The following ZCCHC14 variants were observed in gnomAD, a reference collection of about 807,000 sequenced individuals.
ZCCHC14 encodes the protein zinc finger CCHC-type containing 14, also known as zinc finger CCHC domain-containing protein 14.
A neutral mutation model predicts 85.0 loss-of-function variants in ZCCHC14; 16 were observed. The observed-to-expected ratio is 0.19, with a 90% CI of 0.13 to 0.29. The LOEUF (loss-of-function observed/expected upper bound fraction) is 0.29. Ranked by LOEUF, ZCCHC14 falls within the 10% of genes least tolerant of loss-of-function variation. ZCCHC14 has a pLI of 1.00. For synonymous variants in ZCCHC14, 775 were observed against 630.7 expected (o/e 1.23, Z -3.43); for missense variants, 1,303 against 1,443.5 (o/e 0.90, Z 1.58).
chr16:87,417,078 C>T (rs972977488), intron 8 of ZCCHC14, among the ~76,000 whole-genome samples: 2 of 152,116 alleles, frequency 1.3e-5, no homozygotes, highest in Non-Finnish European at 2.9e-5. Flanking sequence ...TAAAATGCAC[C>T]CATTCCTCTA....
chr16:87,477,153 C>CAAAAAAAAAAAAAAAAAAAA (rs1412376609), intron 1 of ZCCHC14, among the ~76,000 whole-genome samples: 8 of 116,218 alleles, frequency 6.9e-5, no homozygotes, highest in African/African-American at 3.6e-4. Context: ...AAAACAAAAC[C>CAAAAAAAAAAAAAAAAAAAA]AAAAAAAAAT....
intron 1 of ZCCHC14, among the ~76,000 whole-genome samples, chr16:87,481,454 C>T (rs1271073222): frequency 6.7e-6 from 1 of 148,552 alleles, no homozygotes; most frequent in Non-Finnish European, 1.5e-5. Flanking sequence ...CATACTGCCT[C>T]AAATCTAAGC....
intron 1 of ZCCHC14, among the ~76,000 whole-genome samples, chr16:87,463,922 T>C (rs922503051): frequency 2.0e-5 from 3 of 152,144 alleles, no homozygotes; most frequent in Admixed American, 1.3e-4. Context: ...TGGGCTCAAG[T>C]GATCCTTCCA....
rs1391959818 is a variant in ZCCHC14 at position 87,420,213 on chromosome 16, T to C, written c.951-336A>G. ...GGCAGCAGCACATTTACGGAACTGG[T>C]CGGCCATGTTACTTCGTGTGCCACG... On this transcript the variant is annotated intron_variant, in intron 5 of 12. Coordinates refer to ENST00000671377, the MANE Select transcript of ZCCHC14 (RefSeq NM_015144.3). The surrounding 1 kb of genome is among the most constrained non-coding windows in gnomAD (Gnocchi z 5.0). 1.3e-5 allele frequency among the ~76,000 whole-genome samples: 2 copies of C among 152,196 alleles called. No individual in the cohort carries two copies. The highest frequency in any genetic ancestry group is 2.9e-5 in the Non-Finnish European group (2 of 68,042).
Position 87,411,684 on chromosome 16 carries a change from G to C in ZCCHC14, c.3037C>G (p.Gln1013Glu). 6.2e-7 allele frequency: 1 copy of C among 1,614,088 alleles called. No homozygotes were observed. Among genetic ancestry groups the C allele is most frequent in the Non-Finnish European group, 8.5e-7 (1 of 1,179,978 alleles). Reference protein sequence around the residue: ...GQSTFAVPPMQNFMAGTAGVY... With the variant: ...GQSTFAVPPMENFMAGTAGVY... Reference sequence around the variant, plus strand: ...CCTGCTGTCCCTGCCATGAAGTTCTGCATGGGTGGCACGGCAAACGTGGAC... The same window carrying C: ...CCTGCTGTCCCTGCCATGAAGTTCTCCATGGGTGGCACGGCAAACGTGGAC... The change falls in exon 12 of 13, where the codon CAG becomes GAG. Residue 1013 changes from glutamine to glutamate, a missense_variant. By Grantham distance (29) the Gln-to-Glu change is conservative. Coordinates refer to ENST00000671377, the MANE Select transcript of ZCCHC14 (RefSeq NM_015144.3).
At chr16:87,413,419 C>T (rs1177540046) in intron 10 of ZCCHC14, among the ~76,000 whole-genome samples, 1 of 152,210 alleles carries the variant, frequency 6.6e-6, no homozygotes, top group African/African-American at 2.4e-5. Context: ...CCTGCCGGCC[C>T]CCGCCATCAA....
chr16:87,457,269 C>T (rs1911020654), intron 2 of ZCCHC14, among the ~76,000 whole-genome samples: 1 of 152,196 alleles, frequency 6.6e-6, no homozygotes, highest in Admixed American at 6.5e-5. Context: ...TAGGCACTGC[C>T]CACACAACGG....
chr16:87,458,359 G>A lies in ZCCHC14; in HGVS notation c.694+1649C>T, dbSNP rs978519503. Reference sequence around the variant, plus strand: ...GTCCGCTCTGGGGTTGGAGCATCGCGGCATCACCAGGATGAGGGTGCGGTG... The same window carrying A: ...GTCCGCTCTGGGGTTGGAGCATCGCAGCATCACCAGGATGAGGGTGCGGTG... On this transcript the variant is annotated intron_variant, in intron 2 of 12. Transcript: ENST00000671377. Among the ~76,000 whole-genome samples the A allele has an allele frequency of 4.6e-5, 7 of 152,276 alleles. No individual in the cohort carries two copies. In the South Asian group the frequency reaches 8.3e-4, roughly 18 times the overall value.
intron 1 of ZCCHC14, 71 bp from the exon 2 acceptor site, chr16:87,460,202 T>C (rs1911191403): frequency 6.4e-7 from 1 of 1,558,016 alleles, no homozygotes; most frequent in South Asian, 1.2e-5. Context: ...TATTTGTTAA[T>C]TAAGTCTTTC....
chr16:87,456,533 CAAAAAAA>C lies in ZCCHC14; in HGVS notation c.694+3468_694+3474del, dbSNP rs60817141. ...GGGCGACAGAGCAAGACTCTGTCTCCAAAAAAAAAAAAAAAAAAAAAAAAAAAAAATT... is the reference window on the plus strand; with the variant it reads ...GGGCGACAGAGCAAGACTCTGTCTCCAAAAAAAAAAAAAAAAAAAAAAATT... On this transcript the variant is annotated intron_variant, in intron 2 of 12. Transcript: ENST00000671377. 9.1e-3 allele frequency among the ~76,000 whole-genome samples: 577 copies of C among 63,360 alleles called. 8 individuals carry two copies. Among genetic ancestry groups the C allele is most frequent in the African/African-American group, 0.033 (535 of 16,430 alleles). The allele number at this position is 63,360 out of a possible 152,430, so 41.6% of individuals were successfully genotyped here.
intron 1 of ZCCHC14, among the ~76,000 whole-genome samples, chr16:87,469,973 C>T (rs554039696): frequency 6.6e-6 from 1 of 152,328 alleles, no homozygotes; most frequent in Non-Finnish European, 1.5e-5. Context: ...GGCACAGTGG[C>T]TCACGCCTGC....
At chr16:87,464,087 G>C (rs962013828) in intron 1 of ZCCHC14, among the ~76,000 whole-genome samples, 1 of 152,102 alleles carries the variant, frequency 6.6e-6, no homozygotes, top group Non-Finnish European at 1.5e-5. Context: ...GTGCGTTCTC[G>C]CACACACACA....
In ZCCHC14 at chr16:87,406,870, C is replaced by G. The variant is rs1441304082; in HGVS notation, c.*3410G>C. 1 of 152,260 alleles carries G rather than the reference C, an allele frequency of 6.6e-6. No individual in the cohort carries two copies. Among genetic ancestry groups the G allele is most frequent in the Non-Finnish European group, 1.5e-5 (1 of 68,088 alleles). 9.4% of individuals were successfully genotyped at this position (152,260 alleles called of 1,614,324 possible). Reference sequence around the variant, plus strand: ...TCATTCTTTGGAAGTCACCTGCATGCTGGAAATGGCAGCCACCCCCGCTCA... The same window carrying G: ...TCATTCTTTGGAAGTCACCTGCATGGTGGAAATGGCAGCCACCCCCGCTCA... On this transcript the variant is annotated 3_prime_UTR_variant, in exon 13 of 13. Transcript: ENST00000671377.
intron 1 of ZCCHC14, chr16:87,470,596 G>A (rs1444944517): frequency 1.3e-5 from 2 of 152,148 alleles, no homozygotes; most frequent in African/African-American, 2.4e-5. Context: ...GTCAATCAGC[G>A]ATGTAGTCAA....
At chr16:87,483,295 T>A (rs1194344336) in intron 1 of ZCCHC14, among the ~76,000 whole-genome samples, 1 of 73,198 alleles carries the variant, frequency 1.4e-5, no homozygotes, top group Non-Finnish European at 2.3e-5. Context: ...CCATCTCTAC[T>A]AAAAATACCA....
At chr16:87,436,073 C>T (rs1334575533) in intron 2 of ZCCHC14, among the ~76,000 whole-genome samples, 5 of 152,150 alleles carry the variant, frequency 3.3e-5, no homozygotes, top group Admixed American at 3.3e-4. Flanking sequence ...TCCCTGGCCA[C>T]AAACACCATG....
rs1912825518 is a variant in ZCCHC14 at position 87,492,618 on chromosome 16, C to G, written c.-380G>C. On this transcript the variant is annotated 5_prime_UTR_variant, in exon 1 of 13. Transcript: ENST00000671377. The surrounding 1 kb of genome is among the most constrained non-coding windows in gnomAD (Gnocchi z 6.7). ...TGCTCCTCGTCGTCGTCGTCGTCGT[C>G]GCCCGGGAGGCGGCCGCCCCCATCT... The G allele has an allele frequency of 6.9e-6, 1 of 144,914 alleles. No homozygotes were observed. The highest frequency in any genetic ancestry group is 1.5e-5 in the Non-Finnish European group (1 of 65,618). The allele number at this position is 144,914 out of a possible 1,614,324, so 9.0% of individuals were successfully genotyped here. A position where few individuals can be genotyped will look rare whatever the true frequency, so the allele number is the denominator to read the frequency against.
At chr16:87,471,210 G>A (rs1911757428) in intron 1 of ZCCHC14, 1 of 152,102 alleles carries the variant, frequency 6.6e-6, no homozygotes, top group Non-Finnish European at 1.5e-5. Context: ...ATACTTTTAA[G>A]TTAACGTAAA....
chr16:87,431,027 C>A (rs951570389), intron 3 of ZCCHC14, among the ~76,000 whole-genome samples: 1 of 152,022 alleles, frequency 6.6e-6, no homozygotes, highest in Admixed American at 6.5e-5. Flanking sequence ...GTGGTCCCAG[C>A]TACTAGGAGG....
Sources: gnomAD v4.1 joint callset for allele counts (sites outside exome capture counted in the v4.1 genomes callset) on GRCh38, gnomAD v4.1.1 for gene constraint, Gnocchi (gnomAD v3.1) non-coding constraint, MANE v1.5 for transcripts, NCBI Gene and HGNC (gene_info 2026-07-23, HGNC 2026-07-21) for gene names.